The following SLFN13 variants were observed in gnomAD, a reference collection of about 807,000 sequenced individuals.
The protein encoded by SLFN13 is schlafen-13.
A neutral mutation model predicts 50.6 loss-of-function variants in SLFN13; 43 were observed. That is an observed-to-expected ratio of 0.85 (90% CI 0.67 to 1.09). SLFN13 has a LOEUF of 1.09. SLFN13 is among the 50% of genes least tolerant of loss of function. The pLI is 0.00. For missense variants in SLFN13, 881 were observed against 1,071.1 expected (o/e 0.82, Z 2.48); for synonymous variants, 339 against 386.5 (o/e 0.88, Z 1.44).
Position 35,444,919 on chromosome 17 carries a change from C to T in SLFN13, c.762G>A (p.Arg254=). ...YLFIGVDDKS[R]KVLGCAKEQV... Reference sequence around the variant, plus strand: ...GTTCTTTGGCACATCCCAGGACTTTCCTACTCTTATCATCCACTCCAATAA... The same window carrying T: ...GTTCTTTGGCACATCCCAGGACTTTTCTACTCTTATCATCCACTCCAATAA... Residue 254 remains arginine (R), a synonymous_variant, in exon 3 of 6, where the codon AGG becomes AGA. Coordinates refer to ENST00000285013, the MANE Select transcript of SLFN13 (RefSeq NM_144682.6). 1.2e-6 allele frequency: 2 copies of T among 1,614,182 alleles called. No homozygotes were observed. The highest frequency in any genetic ancestry group is 1.7e-6 in the Non-Finnish European group (2 of 1,180,032).
intron 2 of SLFN13, 73 bp from the exon 3 acceptor site, chr17:35,445,766 A>G (rs1913187351): frequency 1.6e-6 from 2 of 1,216,830 alleles, no homozygotes; most frequent in African/African-American, 3.1e-5. Context: ...TTTATTAGAA[A>G]ATATTTAAAA....
At chr17:35,448,843 A>G (rs898986602), upstream of SLFN13, 9 of 152,332 alleles carry the variant, frequency 5.9e-5, no homozygotes, top group Non-Finnish European at 1.2e-4. Flanking sequence ...GGGATGAACG[A>G]ACCAATGGGT....
Position 35,444,619 on chromosome 17 carries a change from ATCTGCG to A in SLFN13, c.1056_1061del (p.Ala353_Asp354del), listed in dbSNP as rs776265494. On this transcript the variant is annotated inframe_deletion, in exon 3 of 6. Transcript: ENST00000285013. The stretch of plus-strand genomic sequence containing the variant: ...GAGAATCTGGTTCCCTCTTACCTGG[ATCTGCG>A]TCCATCATTTTCTCTACCCATTCCT... The A allele has an allele frequency of 6.2e-7, 1 of 1,613,454 alleles. No individual in the cohort carries two copies.
rs755498042 is a variant in SLFN13, at chr17:35,441,045, A to G, written c.2244T>C (p.Ile748=). The change falls in exon 6 of 6, where the codon ATT becomes ATC. Residue 748 remains isoleucine, a synonymous_variant. Coordinates refer to ENST00000285013, the MANE Select transcript of SLFN13 (RefSeq NM_144682.6). ...AEYIQQEMQL[I]IENPPINIPH... is the part of the protein sequence containing the mutation. ...GGATATTAATTGGAGGATTTTCTAT[A>G]ATTAGTTGCATTTCTTGTTGTATGT... The G allele has an allele frequency of 1.3e-5, 21 of 1,613,482 alleles. No homozygotes were observed. The highest frequency in any genetic ancestry group is 1.8e-5 in the Non-Finnish European group (21 of 1,179,998).
Position 35,443,702 on chromosome 17 carries a change from C to T in SLFN13, c.1198+87G>A. The stretch of plus-strand genomic sequence containing the variant: ...TTGTCACTGTGTACACCTGGATCTG[C>T]AGGACACAATCTTTCATGGATTTGT... On this transcript the variant is annotated intron_variant, in intron 4 of 5. Coordinates refer to ENST00000285013, the MANE Select transcript of SLFN13 (RefSeq NM_144682.6). 4 of 1,429,862 alleles carry T rather than the reference C, an allele frequency of 2.8e-6. No individual in the cohort carries two copies. The South Asian group carries it at 5.3e-5, about 19-fold the overall frequency. 88.6% of individuals were successfully genotyped at this position (1,429,862 alleles called of 1,614,324 possible). A position where few individuals can be genotyped will look rare whatever the true frequency, so the allele number is the denominator to read the frequency against.
At position 35,436,347 on chromosome 17, in the gene SLFN13, C is replaced by T. The variant is rs1304209914; in HGVS notation, c.*4248G>A. The T allele has an allele frequency of 6.6e-6, 1 of 152,090 alleles. No individual in the cohort carries two copies. Among genetic ancestry groups the T allele is most frequent in the African/African-American group, 2.4e-5 (1 of 41,430 alleles). 9.4% of individuals were successfully genotyped at this position (152,090 alleles called of 1,614,324 possible). A position where few individuals can be genotyped will look rare whatever the true frequency, so the allele number is the denominator to read the frequency against. Reference sequence around the variant, plus strand: ...CATTTTTCTAGTTACCGTTTTATTACTAGTTTATAATGTATTTGCATGTGG... The same window carrying T: ...CATTTTTCTAGTTACCGTTTTATTATTAGTTTATAATGTATTTGCATGTGG... On this transcript the variant is annotated 3_prime_UTR_variant, in exon 6 of 6. Transcript: ENST00000285013.
chr17:35,444,802 C>T lies in SLFN13; in HGVS notation c.879G>A (p.Glu293=), dbSNP rs1391084030. The change falls in exon 3 of 6, where the codon GAG becomes GAA. Residue 293 remains glutamate, a synonymous_variant. Transcript: ENST00000285013. ...VHFCSSKPRV[E]YSTKIVEVFC... Reference sequence around the variant, plus strand: ...ACACTTCTACGATTTTGGTGCTGTACTCTACCCGAGGTTTTGAAGAGCAAA... The same window carrying T: ...ACACTTCTACGATTTTGGTGCTGTATTCTACCCGAGGTTTTGAAGAGCAAA... 4 of 1,614,226 alleles carry T rather than the reference C, an allele frequency of 2.5e-6. No individual in the cohort carries two copies. The African/African-American group carries it at 5.3e-5, about 22-fold the overall frequency.
At position 35,445,089 on chromosome 17, in the gene SLFN13, T is replaced by G. The variant is rs371819305; in HGVS notation, c.592A>C (p.Ile198Leu). Residue 198 changes from isoleucine to leucine, a missense_variant, in exon 3 of 6, where the codon ATT becomes CTT. By Grantham distance (5) the Ile-to-Leu change is conservative (BLOSUM62 2). This residue lies in a region of SLFN13 where 497 missense variants were observed against 518.3 expected (regional missense o/e 0.96). Transcript: ENST00000285013. ...PAYEVFQTDT[I>L]EYGEILSFPE... ...AAAGATAGGATTTCACCATATTCAA[T>G]AGTGTCAGTTTGGAAAACTTCATAT... 6 of 1,613,782 alleles carry G rather than the reference T, an allele frequency of 3.7e-6. No homozygotes were observed. The highest frequency in any genetic ancestry group is 5.1e-6 in the Non-Finnish European group (6 of 1,180,042).
Position 35,441,040 on chromosome 17 carries a change from T to C in SLFN13, c.2249A>G (p.Glu750Gly). 6.2e-7 allele frequency: 1 copy of C among 1,613,486 alleles called. No homozygotes were observed. The highest frequency in any genetic ancestry group is 8.5e-7 in the Non-Finnish European group (1 of 1,180,018). Residue 750 changes from glutamate (E) to glycine (G), a missense_variant, in exon 6 of 6, where the codon GAA (glutamate) becomes GGA (glycine). By Grantham distance (98) the Glu-to-Gly change is moderately conservative. Around this residue, in one of 5 missense-constraint regions of SLFN13, gnomAD observed 322 missense variants for 327.4 expected, o/e 0.98. Transcript: ENST00000285013. ...ATGGGGGATATTAATTGGAGGATTT[T>C]CTATAATTAGTTGCATTTCTTGTTG... Reference protein sequence around the residue: ...YIQQEMQLIIENPPINIPHGY... With the variant: ...YIQQEMQLIIGNPPINIPHGY...
intron 1 of SLFN13, among the ~76,000 whole-genome samples, chr17:35,447,656 C>T (rs11652363): frequency 0.091 from 13,904 of 152,180 alleles, 736 homozygotes; most frequent in East Asian, 0.14. Flanking sequence ...CTGGTGGGGA[C>T]TGGCTAGTCT....
At position 35,445,302 on chromosome 17, in the gene SLFN13, T is replaced by C. The variant is rs1248048784; in HGVS notation, c.379A>G (p.Ile127Val). 1.9e-6 allele frequency: 3 copies of C among 1,613,666 alleles called. No homozygotes were observed. The highest frequency in any genetic ancestry group is 1.7e-5 in the Admixed American group (1 of 59,990). ...FLKDGSFNSRICSLSSSLYCR... is the reference protein window; with the variant it reads ...FLKDGSFNSRVCSLSSSLYCR... ...TATAATGAAGAACTAAGGCTGCAAA[T>C]GCGGGAATTGAAAGAACCATCTTTA... Residue 127 changes from isoleucine to valine, a missense_variant, in exon 3 of 6, where the codon ATT (isoleucine) becomes GTT (valine). Transcript: ENST00000285013.
At chr17:35,442,338 T>C in intron 4 of SLFN13, 52 bp from the exon 5 acceptor site, 6 of 1,497,192 alleles carry the variant, frequency 4.0e-6, no homozygotes, top group Non-Finnish European at 5.3e-6. Context: ...TGTGATTTTG[T>C]ATGAATCACA....
At chr17:35,449,413 G>A (rs969619006), upstream of SLFN13, among the ~76,000 whole-genome samples, 3 of 152,128 alleles carry the variant, frequency 2.0e-5, no homozygotes, top group East Asian at 5.8e-4. Context: ...GTCCAGCCAA[G>A]CTCTCGCCCG....
Position 35,438,405 on chromosome 17 carries a change from T to C in SLFN13, c.*2190A>G, listed in dbSNP as rs972485524. 1.3e-5 allele frequency: 2 copies of C among 152,028 alleles called. No homozygotes were observed. The highest frequency in any genetic ancestry group is 4.8e-5 in the African/African-American group (2 of 41,444). The allele number at this position is 152,028 out of a possible 1,614,324, so 9.4% of individuals were successfully genotyped here. Reference sequence around the variant, plus strand: ...ATAAATATTTATATATTTTAAAATATGATACTGTTTCAAATATTACTAGGG... The same window carrying C: ...ATAAATATTTATATATTTTAAAATACGATACTGTTTCAAATATTACTAGGG... On this transcript the variant is annotated 3_prime_UTR_variant, in exon 6 of 6. Coordinates refer to ENST00000285013, the MANE Select transcript of SLFN13 (RefSeq NM_144682.6).
chr17:35,444,890 A>T lies in SLFN13; in HGVS notation c.791T>A (p.Val264Asp). The T allele has an allele frequency of 6.2e-7, 1 of 1,614,214 alleles. No homozygotes were observed. Among genetic ancestry groups the T allele is most frequent in the Non-Finnish European group, 8.5e-7 (1 of 1,180,028 alleles). ...RKVLGCAKEQ[V>D]DPDSLKNVIA... is the part of the protein sequence containing the mutation. ...TACATTTTTCAAAGAGTCAGGGTCA[A>T]CCTGTTCTTTGGCACATCCCAGGAC... Residue 264 changes from valine (V) to aspartate (D), a missense_variant, in exon 3 of 6, where the codon GTT becomes GAT. Transcript: ENST00000285013.
At chr17:35,442,734 C>T (rs1412649684) in intron 4 of SLFN13, among the ~76,000 whole-genome samples, 7 of 152,208 alleles carry the variant, frequency 4.6e-5, no homozygotes, top group South Asian at 4.1e-4. Context: ...TGAGCCACCA[C>T]GCCTTGCCTG....
At chr17:35,441,539 A>C (rs138009267) in intron 5 of SLFN13, 24 bp downstream of exon 5, 3 of 1,610,018 alleles carry the variant, frequency 1.9e-6, no homozygotes, top group Non-Finnish European at 1.7e-6. Context: ...ATAAAACTTA[A>C]AGACGTAAGA....
chr17:35,445,736 T>G, intron 2 of SLFN13, 43 bp from the exon 3 acceptor site: 2 of 1,417,030 alleles, frequency 1.4e-6, no homozygotes, highest in African/African-American at 2.9e-5. Context: ...ATTAAAAAAT[T>G]GTTACAGGCC....
rs1913061004 is a variant in SLFN13, at chr17:35,444,008, C to T, written c.1067-88G>A. On this transcript the variant is annotated intron_variant, in intron 3 of 5. Coordinates refer to ENST00000285013, the MANE Select transcript of SLFN13 (RefSeq NM_144682.6). ...GTACAAGGCTGTGTCTAAATTTCAT[C>T]TAACATGGTACAAGTCAGGCCACAA... The T allele has an allele frequency of 5.2e-6, 7 of 1,357,902 alleles. No individual in the cohort carries two copies. The South Asian group carries it at 8.8e-5, about 17-fold the overall frequency. 84.1% of individuals were successfully genotyped at this position (1,357,902 alleles called of 1,614,324 possible).
Sources: allele counts gnomAD v4.1 joint callset (sites outside exome capture counted in the v4.1 genomes callset), GRCh38; gene constraint gnomAD v4.1.1; regional missense constraint gnomAD v4.1.1; transcripts MANE v1.5; gene names NCBI Gene and HGNC (gene_info 2026-07-23, HGNC 2026-07-21).